The following ANKRD33B variants were observed in gnomAD, a reference collection of about 807,000 sequenced individuals.
The protein encoded by ANKRD33B is ankyrin repeat domain 33B.
Under a neutral mutation model 21.5 loss-of-function variants are expected in ANKRD33B, and 6 were observed. The observed-to-expected ratio is 0.28, with a 90% confidence interval of 0.15 to 0.55. ANKRD33B has a LOEUF of 0.55. ANKRD33B is among the 20% of genes least tolerant of loss of function. The pLI is 0.94. For synonymous variants in ANKRD33B, 347 were observed against 342.4 expected (o/e 1.01, Z -0.15); for missense variants, 698 against 747.2 (o/e 0.93, Z 0.77).
At chr5:10,567,093 C>T (rs1296704810) in intron 1 of ANKRD33B, among the ~76,000 whole-genome samples, 1 of 152,176 alleles carries the variant, frequency 6.6e-6, no homozygotes, top group East Asian at 1.9e-4. Flanking sequence ...GATGTAGGCC[C>T]GGACATAGCC....
At chr5:10,577,413 G>A (rs1352229155) in intron 1 of ANKRD33B, among the ~76,000 whole-genome samples, 3 of 152,166 alleles carry the variant, frequency 2.0e-5, no homozygotes, top group Non-Finnish European at 4.4e-5. Context: ...GTGAGCCACC[G>A]CGCCCGGCCG....
At chr5:10,588,188 C>T (rs997240933) in intron 1 of ANKRD33B, among the ~76,000 whole-genome samples, 3 of 152,094 alleles carry the variant, frequency 2.0e-5, no homozygotes, top group African/African-American at 7.2e-5. Context: ...AAAGTGACTG[C>T]GAATTCATGA....
chr5:10,564,747 T>G lies in ANKRD33B; in HGVS notation c.280T>G (p.Cys94Gly). 1 of 1,530,626 alleles carries G rather than the reference T, an allele frequency of 6.5e-7. No individual in the cohort carries two copies. The highest frequency in any genetic ancestry group is 8.7e-7 in the Non-Finnish European group (1 of 1,143,884). 94.8% of individuals were successfully genotyped at this position (1,530,626 alleles called of 1,614,324 possible). A position where few individuals can be genotyped will look rare whatever the true frequency, so the allele number is the denominator to read the frequency against. ...PETATLLRAA[C>G]ANNVGLLRTL... ...GACGGCGACCCTCCTGCGCGCCGCC[T>G]GCGCCAACAACGTGGGGCTGCTGCG... The change falls in exon 1 of 4, where the codon TGC (cysteine) becomes GGC (glycine). Residue 94 changes from cysteine to glycine, a missense_variant. Cys to Gly is a radical substitution (Grantham distance 159). Transcript: ENST00000296657.
chr5:10,646,304 C>T (rs1347097419), intron 3 of ANKRD33B, among the ~76,000 whole-genome samples: 2 of 152,164 alleles, frequency 1.3e-5, no homozygotes, highest in East Asian at 3.8e-4. Context: ...TTCAGAAATC[C>T]TCTGTATTCT....
chr5:10,630,514 T>C (rs979555535), intron 2 of ANKRD33B, among the ~76,000 whole-genome samples: 2 of 152,208 alleles, frequency 1.3e-5, no homozygotes. Flanking sequence ...CATTAGTGCA[T>C]TGTAGGAACT....
At chr5:10,577,347 C>G (rs1361441526) in intron 1 of ANKRD33B, among the ~76,000 whole-genome samples, 2 of 152,210 alleles carry the variant, frequency 1.3e-5, no homozygotes, top group Non-Finnish European at 2.9e-5. Flanking sequence ...TCAGGCATGT[C>G]TCGAACTCCT....
intron 3 of ANKRD33B, among the ~76,000 whole-genome samples, chr5:10,643,819 C>CAAAAAA (rs374365829): frequency 5.6e-5 from 5 of 89,566 alleles, no homozygotes; most frequent in East Asian, 6.1e-4. Flanking sequence ...GACTCTGTCT[C>CAAAAAA]AAAAAAAAAA....
At chr5:10,628,615 T>C (rs1463334777) in intron 2 of ANKRD33B, among the ~76,000 whole-genome samples, 1 of 152,214 alleles carries the variant, frequency 6.6e-6, no homozygotes, top group Non-Finnish European at 1.5e-5. Flanking sequence ...CTGCTGGGAT[T>C]ACAGGCACGA....
chr5:10,618,563 A>G (rs1446124103), intron 2 of ANKRD33B, 101 bp downstream of exon 2: 1 of 1,407,422 alleles, frequency 7.1e-7, no homozygotes, highest in Non-Finnish European at 9.4e-7. Context: ...GGAAATGATC[A>G]GAGACCATGT....
At chr5:10,610,401 G>C (rs1736143457) in intron 1 of ANKRD33B, among the ~76,000 whole-genome samples, 1 of 146,488 alleles carries the variant, frequency 6.8e-6, no homozygotes, top group East Asian at 2.0e-4. Context: ...ACAGGGGACA[G>C]CCCCCCCCCC....
chr5:10,607,427 A>G (rs901021168), intron 1 of ANKRD33B, among the ~76,000 whole-genome samples: 2 of 152,200 alleles, frequency 1.3e-5, no homozygotes, highest in African/African-American at 2.4e-5. Flanking sequence ...CCTGGAAGTG[A>G]CACCTGCTAT....
chr5:10,646,960 T>C (rs1336188904), intron 3 of ANKRD33B, among the ~76,000 whole-genome samples: 1 of 152,222 alleles, frequency 6.6e-6, no homozygotes, highest in Non-Finnish European at 1.5e-5. Flanking sequence ...AGCCATCACA[T>C]GTCAGACTCC....
intron 2 of ANKRD33B, among the ~76,000 whole-genome samples, chr5:10,621,650 A>G (rs1384190032): frequency 1.3e-5 from 2 of 152,214 alleles, no homozygotes; most frequent in African/African-American, 4.8e-5. Flanking sequence ...GCCAGTTCAA[A>G]GGAAATTTGA....
At chr5:10,620,505 A>T (rs1225459889) in intron 2 of ANKRD33B, among the ~76,000 whole-genome samples, 1 of 152,190 alleles carries the variant, frequency 6.6e-6, no homozygotes, top group Non-Finnish European at 1.5e-5. Flanking sequence ...GACAAGGATT[A>T]GGTCATGACA....
At chr5:10,595,826 G>A (rs1026093890) in intron 1 of ANKRD33B, among the ~76,000 whole-genome samples, 19 of 152,136 alleles carry the variant, frequency 1.2e-4, no homozygotes, top group African/African-American at 4.6e-4. Flanking sequence ...TTACGACTCT[G>A]GAAATCTCTG....
At chr5:10,621,176 A>G (rs935016785) in intron 2 of ANKRD33B, among the ~76,000 whole-genome samples, 3 of 152,112 alleles carry the variant, frequency 2.0e-5, no homozygotes, top group Non-Finnish European at 4.4e-5. Context: ...TTCTTGATTT[A>G]TGGCACACCA....
Position 10,649,484 on chromosome 5 carries a change from T to C in ANKRD33B, c.856T>C (p.Cys286Arg), listed in dbSNP as rs1489770766. 3.9e-6 allele frequency: 6 copies of C among 1,535,088 alleles called. No homozygotes were observed. The highest frequency in any genetic ancestry group is 1.7e-4 in the Middle Eastern group (1 of 5,844). The change falls in exon 4 of 4, where the codon TGC becomes CGC. Residue 286 changes from cysteine (C) to arginine (R), a missense_variant. Physicochemically the swap from Cys to Arg is radical, Grantham distance 180 (BLOSUM62 -3). Coordinates refer to ENST00000296657, the MANE Select transcript of ANKRD33B (RefSeq NM_001164440.2). ...GAACTGCCTGCAGAGGCTCACAGAC[T>C]GCGTGCTGTCCGTGCTGACGCCGCG... ...SKNCLQRLTD[C>R]VLSVLTPRSV...
At chr5:10,567,376 T>G (rs1212095318) in intron 1 of ANKRD33B, among the ~76,000 whole-genome samples, 1 of 152,264 alleles carries the variant, frequency 6.6e-6, no homozygotes, top group Admixed American at 6.5e-5. Flanking sequence ...CGCTAGGTAC[T>G]TTAGCAGACT....
At chr5:10,572,392 TGCCAGGGGCTTTGGAGGCAATG>T (rs1220757984) in intron 1 of ANKRD33B, among the ~76,000 whole-genome samples, 1 of 152,020 alleles carries the variant, frequency 6.6e-6, no homozygotes, top group Non-Finnish European at 1.5e-5. Context: ...CAACAAAACC[TGCCAGGGGCTTTGGAGGCAATG>T]GAGCCTTTGA....
Sources: gnomAD v4.1 joint callset for allele counts (sites outside exome capture counted in the v4.1 genomes callset) on GRCh38, gnomAD v4.1.1 for gene constraint, MANE v1.5 for transcripts, NCBI Gene and HGNC (gene_info 2026-07-23, HGNC 2026-07-21) for gene names.